XYLT1: variants seen among roughly 807,000 people sequenced by gnomAD.
XYLT1 encodes xylosyltransferase 1.
A neutral mutation model predicts 91.3 loss-of-function variants in XYLT1; 36 were observed. The observed-to-expected ratio is 0.39, with a 90% CI of 0.30 to 0.52. XYLT1 has a LOEUF of 0.52. Ranked by LOEUF, XYLT1 falls within the 20% of genes least tolerant of loss-of-function variation. The probability of loss-of-function intolerance (pLI) is 0.68; values close to 1 mark genes in which losing one functional copy is unlikely to be tolerated. For missense variants in XYLT1, 1,242 were observed against 1,284.5 expected (o/e 0.97, Z 0.51); for synonymous variants, 588 against 532.0 (o/e 1.11, Z -1.45).
intron 2 of XYLT1, among the ~76,000 whole-genome samples, chr16:17,355,599 C>T (rs11859215): frequency 0.47 from 72,056 of 151,994 alleles, 18,679 homozygotes; most frequent in African/African-American, 0.67. Flanking sequence ...AGTTTAATAT[C>T]TATTTTAATG....
At chr16:17,134,855 T>C in intron 8 of XYLT1, 120 bp from the exon 9 acceptor site, 2 of 1,220,846 alleles carry the variant, frequency 1.6e-6, no homozygotes, top group Non-Finnish European at 2.3e-6. Flanking sequence ...TTAGCTCCGA[T>C]ACTTTTTGCA....
chr16:17,124,083 C>T (rs181833045), intron 10 of XYLT1, among the ~76,000 whole-genome samples: 39 of 152,198 alleles, frequency 2.6e-4, no homozygotes, highest in East Asian at 1.9e-4. Context: ...AATTCTTATC[C>T]GTTCTGTATC....
chr16:17,232,450 C>CATATATATAT (rs5815943), intron 3 of XYLT1, among the ~76,000 whole-genome samples: 1,675 of 112,604 alleles, frequency 0.015, 25 homozygotes, highest in Admixed American at 0.021. Context: ...TATATATATA[C>CATATATATAT]ATATATATAT....
chr16:17,146,310 G>A (rs1164946704), intron 6 of XYLT1, among the ~76,000 whole-genome samples: 2 of 152,122 alleles, frequency 1.3e-5, no homozygotes, highest in Non-Finnish European at 2.9e-5. Context: ...TGACGGTAAC[G>A]CTGGCAGGGA....
At chr16:17,236,595 T>C (rs2033251989) in intron 3 of XYLT1, among the ~76,000 whole-genome samples, 1 of 152,222 alleles carries the variant, frequency 6.6e-6, no homozygotes, top group Non-Finnish European at 1.5e-5. Context: ...AGAAACTTAC[T>C]GTCTCATAGT....
chr16:17,278,071 G>C (rs1266933389), intron 2 of XYLT1, among the ~76,000 whole-genome samples: 1 of 152,140 alleles, frequency 6.6e-6, no homozygotes, highest in Non-Finnish European at 1.5e-5. Context: ...GCGAACATGA[G>C]GCATCTAGTT....
intron 1 of XYLT1, among the ~76,000 whole-genome samples, chr16:17,415,843 T>A (rs1008617358): frequency 6.6e-6 from 1 of 151,960 alleles, no homozygotes; most frequent in African/African-American, 2.4e-5. Flanking sequence ...AAGTGTTGAA[T>A]AAAGGGTGTA....
rs377724066 is a variant in XYLT1, at chr16:17,108,842, G to T, written c.2733C>A (p.Gly911=). The T allele has an allele frequency of 5.0e-6, 8 of 1,612,664 alleles. No individual in the cohort carries two copies. Among genetic ancestry groups the T allele is most frequent in the South Asian group, 1.1e-5 (1 of 91,028 alleles). ...ALEGWLDSLV[G]GMWTAMDICA... ...AGATGTCCATGGCAGTCCACATCCC[G>T]CCCACCAACGAGTCCAGCCATCCCT... is the stretch of plus-strand genomic sequence containing the variant. Residue 911 remains glycine, a synonymous_variant, in exon 12 of 12, where the codon GGC becomes GGA. Coordinates refer to ENST00000261381, the MANE Select transcript of XYLT1 (RefSeq NM_022166.4).
At chr16:17,367,361 G>A (rs1054032066) in intron 1 of XYLT1, among the ~76,000 whole-genome samples, 5 of 152,226 alleles carry the variant, frequency 3.3e-5, no homozygotes, top group Non-Finnish European at 7.3e-5. Flanking sequence ...CACCCAGGCT[G>A]TGTTTGAACA....
intron 2 of XYLT1, among the ~76,000 whole-genome samples, chr16:17,314,207 A>T (rs1248861433): frequency 1.3e-5 from 2 of 152,214 alleles, no homozygotes; most frequent in African/African-American, 4.8e-5. Flanking sequence ...GATTAGAAGC[A>T]ACAGGCCCCT....
intron 2 of XYLT1, among the ~76,000 whole-genome samples, chr16:17,327,919 A>T (rs2034837336): frequency 6.6e-6 from 1 of 152,080 alleles, no homozygotes; most frequent in East Asian, 1.9e-4. Flanking sequence ...AGGTATTTGC[A>T]AAGTGTGAGG....
intron 1 of XYLT1, among the ~76,000 whole-genome samples, chr16:17,417,622 C>T (rs866032677): frequency 5.9e-5 from 9 of 152,262 alleles, no homozygotes; most frequent in Non-Finnish European, 7.4e-5. Flanking sequence ...AAGAAGCCGG[C>T]GTGTGCTAGT....
At chr16:17,250,036 T>C (rs1177549127) in intron 3 of XYLT1, 1 of 152,252 alleles carries the variant, frequency 6.6e-6, no homozygotes, top group East Asian at 1.9e-4. Flanking sequence ...CTCAACGTCT[T>C]CAAATAAATC....
At chr16:17,259,839 G>T (rs112771053) in intron 2 of XYLT1, among the ~76,000 whole-genome samples, 1 of 152,088 alleles carries the variant, frequency 6.6e-6, no homozygotes. Flanking sequence ...CCAGCGTCCC[G>T]TTTAAATTCC....
At position 17,171,878 on chromosome 16, in the gene XYLT1, C is replaced by T. The variant is rs766499973; in HGVS notation, c.1290-12969G>A. Among the ~76,000 whole-genome samples, 4 of 152,208 alleles carry T rather than the reference C, an allele frequency of 2.6e-5. No individual in the cohort carries two copies. The South Asian group carries it at 6.2e-4, about 24-fold the overall frequency. ...AAGTGTTCAAAAATCATTTAAAAAA[C>T]GGCCAATTTAACTTCCAGTTCTCCT... is the stretch of plus-strand genomic sequence containing the variant. On this transcript the variant is annotated intron_variant, in intron 5 of 11. Transcript: ENST00000261381.
intron 1 of XYLT1, among the ~76,000 whole-genome samples, chr16:17,441,646 T>A (rs1348078805): frequency 2.0e-5 from 3 of 152,202 alleles, no homozygotes; most frequent in Non-Finnish European, 4.4e-5. Context: ...AATTTCAAAT[T>A]CTTGGATGAT....
chr16:17,123,451 G>A (rs533371890), intron 10 of XYLT1, among the ~76,000 whole-genome samples: 106 of 152,284 alleles, frequency 7.0e-4, no homozygotes, highest in African/African-American at 2.4e-3. Flanking sequence ...TCAGGAGCAA[G>A]TTATTTAGTT....
At chr16:17,408,332 A>G (rs1375566603) in intron 1 of XYLT1, among the ~76,000 whole-genome samples, 1 of 152,232 alleles carries the variant, frequency 6.6e-6, no homozygotes, top group Non-Finnish European at 1.5e-5. Flanking sequence ...ATGAAATCTA[A>G]GAGGCAAAGC....
chr16:17,189,745 C>T (rs1375687441), intron 5 of XYLT1, among the ~76,000 whole-genome samples: 1 of 152,116 alleles, frequency 6.6e-6, no homozygotes, highest in Non-Finnish European at 1.5e-5. Context: ...TAACTGCATT[C>T]ATATAAAATG....
Sources: gnomAD v4.1 joint callset for allele counts (sites outside exome capture counted in the v4.1 genomes callset) on GRCh38, gnomAD v4.1.1 for gene constraint, MANE v1.5 for transcripts, NCBI Gene and HGNC (gene_info 2026-07-23, HGNC 2026-07-21) for gene names.